ZNRF3: variants seen among roughly 807,000 people sequenced by gnomAD.
ZNRF3 encodes zinc and ring finger 3.
A neutral mutation model predicts 72.5 loss-of-function variants in ZNRF3; 23 were observed. The ratio of observed to expected loss-of-function variants is 0.32; its 90% CI spans 0.23 to 0.45. The LOEUF (loss-of-function observed/expected upper bound fraction) is 0.45, where lower values mean the gene tolerates loss of function less well. Ranked by LOEUF, ZNRF3 falls within the 20% of genes least tolerant of loss-of-function variation. ZNRF3 has a pLI of 1.00. For synonymous variants in ZNRF3, 610 were observed against 545.3 expected, an observed-to-expected ratio of 1.12 and a Z score of -1.65; for missense variants, 1,169 against 1,272.1, an observed-to-expected ratio of 0.92 and a Z score of 1.23.
chr22:28,995,250 G>A (rs1425978128), intron 2 of ZNRF3, among the ~76,000 whole-genome samples: 2 of 152,086 alleles, frequency 1.3e-5, no homozygotes, highest in African/African-American at 4.8e-5. Flanking sequence ...TGGCTAACAC[G>A]GTGAAACCCC....
Position 28,884,023 on chromosome 22 carries a change from C to A in ZNRF3, c.257C>A (p.Ser86Ter). ...TYTTGLTGRF[S>*]RAGATLSAEG... ...ACCACCGGCCTCACGGGCCGCTTCT[C>A]GCGGGCCGGGGCCACGCTCAGCGCC... The change falls in exon 1 of 9, where the codon TCG (serine) becomes TAG (stop). Residue 86 changes from serine (S) to a stop codon, truncating the protein, a stop_gained. Transcript: ENST00000544604. LOFTEE classifies it high-confidence loss of function. The A allele has an allele frequency of 7.7e-7, 1 of 1,291,460 alleles. No individual in the cohort carries two copies. The allele number at this position is 1,291,460 out of a possible 1,614,324, so 80.0% of individuals were successfully genotyped here. A position where few individuals can be genotyped will look rare whatever the true frequency, so the allele number is the denominator to read the frequency against.
At chr22:28,988,299 T>C (rs2035891754) in intron 2 of ZNRF3, among the ~76,000 whole-genome samples, 1 of 152,124 alleles carries the variant, frequency 6.6e-6, no homozygotes, top group Non-Finnish European at 1.5e-5. Context: ...CCTAACCTCT[T>C]GAGGCTCTCT....
At chr22:28,914,691 A>G (rs142216698) in intron 1 of ZNRF3, among the ~76,000 whole-genome samples, 67 of 151,554 alleles carry the variant, frequency 4.4e-4, no homozygotes, top group African/African-American at 1.5e-3. Flanking sequence ...GTGCATGCCT[A>G]TATTGTCAGC....
Position 28,899,181 on chromosome 22 carries a change from C to G in ZNRF3, c.300+15115C>G, listed in dbSNP as rs1332373922. Among the ~76,000 whole-genome samples the G allele has an allele frequency of 2.0e-5, 3 of 152,112 alleles. No homozygotes were observed. In the East Asian group the frequency reaches 5.8e-4, roughly 29 times the overall value. ...TTTTGGTGTTATTAGGCTTAAATCT[C>G]TAGGACACATATAAACACACTTGTG... On this transcript the variant is annotated intron_variant, in intron 1 of 8. Coordinates refer to ENST00000544604, the MANE Select transcript of ZNRF3 (RefSeq NM_001206998.2).
chr22:28,982,338 C>G (rs1316075432), intron 1 of ZNRF3, among the ~76,000 whole-genome samples: 1 of 149,916 alleles, frequency 6.7e-6, no homozygotes, highest in African/African-American at 2.5e-5. Flanking sequence ...CAGCTCACAC[C>G]TGTAATTCCA....
chr22:29,035,523 G>A (rs1316525828), intron 2 of ZNRF3, among the ~76,000 whole-genome samples: 1 of 152,142 alleles, frequency 6.6e-6, no homozygotes, highest in Non-Finnish European at 1.5e-5. Context: ...TGAGTTAAGG[G>A]GGAAGTAGAG....
intron 1 of ZNRF3, among the ~76,000 whole-genome samples, chr22:28,976,644 T>A (rs2035679497): frequency 6.6e-6 from 1 of 152,254 alleles, no homozygotes; most frequent in Non-Finnish European, 1.5e-5. Context: ...TTTGATGTGT[T>A]TAAGCACCTA....
At chr22:28,955,033 T>TG (rs962905110) in intron 1 of ZNRF3, among the ~76,000 whole-genome samples, 1 of 26,504 alleles carries the variant, frequency 3.8e-5, no homozygotes, top group Non-Finnish European at 1.6e-4. Flanking sequence ...ATTTTTGGTG[T>TG]TTTTTTTTTT....
chr22:28,900,072 CCTT>C (rs1324539975), intron 1 of ZNRF3, among the ~76,000 whole-genome samples: 3 of 152,136 alleles, frequency 2.0e-5, no homozygotes, highest in Non-Finnish European at 2.9e-5. Flanking sequence ...CTATTACAGA[CCTT>C]CTTCTCTCAA....
chr22:28,908,827 G>A (rs1462677079), intron 1 of ZNRF3, among the ~76,000 whole-genome samples: 1 of 152,196 alleles, frequency 6.6e-6, no homozygotes, highest in Non-Finnish European at 1.5e-5. Context: ...GAGCAAAGAT[G>A]AAGCTATTGG....
At chr22:29,010,472 C>T (rs75044059) in intron 2 of ZNRF3, among the ~76,000 whole-genome samples, 11,396 of 152,170 alleles carry the variant, frequency 0.075, 972 homozygotes, top group African/African-American at 0.21. Context: ...ATTGTATCTA[C>T]ATACCACGTT....
At chr22:29,047,353 C>T (rs1385018000) in intron 6 of ZNRF3, among the ~76,000 whole-genome samples, 1 of 152,206 alleles carries the variant, frequency 6.6e-6, no homozygotes, top group Non-Finnish European at 1.5e-5. Flanking sequence ...GCCACATTTG[C>T]TCACTCTCCC....
intron 1 of ZNRF3, among the ~76,000 whole-genome samples, chr22:28,983,847 A>G (rs1391137547): frequency 1.3e-5 from 2 of 152,226 alleles, no homozygotes; most frequent in African/African-American, 4.8e-5. Flanking sequence ...TTTTTAAACC[A>G]TTGGCCACTG....
At chr22:28,887,203 C>T (rs2033804152) in intron 1 of ZNRF3, among the ~76,000 whole-genome samples, 1 of 148,928 alleles carries the variant, frequency 6.7e-6, no homozygotes, top group East Asian at 2.0e-4. Flanking sequence ...AACCCCCCTC[C>T]TTATTATATG....
rs564033963 is a variant in ZNRF3 at position 29,049,288 on chromosome 22, C to T, written c.1107C>T (p.Pro369=). The change falls in exon 8 of 9, where the codon CCC becomes CCT. Residue 369 remains proline, a synonymous_variant. Coordinates refer to ENST00000544604, the MANE Select transcript of ZNRF3 (RefSeq NM_001206998.2). The surrounding 1 kb of genome is among the most constrained non-coding windows in gnomAD (Gnocchi z 5.2). ...QQRVTLPVHY[P]GRVHRTNAIP... ...GGGTGACCCTGCCGGTGCATTACCC[C>T]GGCCGCGTGCACAGGACCAACGCCA... 6.1e-5 allele frequency: 99 copies of T among 1,613,998 alleles called. 1 individual carries two copies. The South Asian group carries it at 9.9e-4, about 16-fold the overall frequency.
In ZNRF3 at chr22:29,050,051, T is replaced by G; in HGVS notation, c.1870T>G (p.Phe624Val). ...CTCGGGCCGGGGACCTGCCCTGTGC[T>G]TCGAGGGCTCCCCGCCTCCCGAGGA... Reference protein sequence around the residue: ...GSSGRGPALCFEGSPPPEELP... With the variant: ...GSSGRGPALCVEGSPPPEELP... Residue 624 changes from phenylalanine (F) to valine (V), a missense_variant, in exon 8 of 9, where the codon TTC becomes GTC. Transcript: ENST00000544604. 6.2e-7 allele frequency: 1 copy of G among 1,608,206 alleles called. No homozygotes were observed. The highest frequency in any genetic ancestry group is 8.5e-7 in the Non-Finnish European group (1 of 1,177,616).
In ZNRF3 at chr22:29,050,431, C is replaced by G; in HGVS notation, c.2250C>G (p.Pro750=). The change falls in exon 8 of 9, where the codon CCC becomes CCG. Residue 750 remains proline, a synonymous_variant. Transcript: ENST00000544604. The part of the protein sequence containing the change: ...YEGSGPAGGE[P]QSGSSQGLYG... ...GCTCTGGCCCGGCGGGTGGGGAGCCCCAGTCAGGAAGCTCCCAGGGCTTGT... is the reference window on the plus strand; with the variant it reads ...GCTCTGGCCCGGCGGGTGGGGAGCCGCAGTCAGGAAGCTCCCAGGGCTTGT... The G allele has an allele frequency of 6.2e-7, 1 of 1,609,132 alleles. No individual in the cohort carries two copies. Among genetic ancestry groups the G allele is most frequent in the Non-Finnish European group, 8.5e-7 (1 of 1,177,736 alleles).
At chr22:29,005,908 G>A (rs1180732638) in intron 2 of ZNRF3, among the ~76,000 whole-genome samples, 2 of 152,052 alleles carry the variant, frequency 1.3e-5, no homozygotes, top group Non-Finnish European at 2.9e-5. Context: ...GGTGGTGCAT[G>A]CCTATAATCT....
At position 29,022,338 on chromosome 22, in the gene ZNRF3, C is replaced by A. The variant is rs553473715; in HGVS notation, c.427-20157C>A. On this transcript the variant is annotated intron_variant, in intron 2 of 8. Coordinates refer to ENST00000544604, the MANE Select transcript of ZNRF3 (RefSeq NM_001206998.2). The stretch of plus-strand genomic sequence containing the variant: ...CTTCATCTGTTAGCTGTTAACGTGA[C>A]CCCCAAACCTAACCTCCTCTTGACT... 2.6e-5 allele frequency among the ~76,000 whole-genome samples: 4 copies of A among 152,300 alleles called. No individual in the cohort carries two copies. The East Asian group carries it at 5.8e-4, about 22-fold the overall frequency.
Sources: allele counts gnomAD v4.1 joint callset (sites outside exome capture counted in the v4.1 genomes callset), GRCh38; gene constraint gnomAD v4.1.1; non-coding constraint Gnocchi (gnomAD v3.1); transcripts MANE v1.5; gene names NCBI Gene and HGNC (gene_info 2026-07-23, HGNC 2026-07-21).